The following PPA2 variants were observed in gnomAD, a reference collection of about 807,000 sequenced individuals.
The protein encoded by PPA2 is inorganic pyrophosphatase 2, mitochondrial.
A neutral mutation model predicts 49.5 loss-of-function variants in PPA2; 48 were observed. The observed-to-expected ratio is 0.97, with a 90% CI of 0.77 to 1.23. PPA2 has a LOEUF of 1.23. PPA2 is among the 50% of genes most tolerant of loss of function. PPA2 has a pLI of 0.00. For synonymous variants in PPA2, 131 were observed against 139.9 expected, an observed-to-expected ratio of 0.94 and a Z score of 0.45; for missense variants, 429 against 410.1, an observed-to-expected ratio of 1.05 and a Z score of -0.40.
chr4:105,399,135 C>A lies in PPA2; in HGVS notation c.685G>T (p.Gly229Cys). ...CAATTAAGAGTAGCTTCCAGGTAAC[C>A]CGGTTTGAACTTCTTAACATCATCA... ...DIDDVKKFKP[G>C]YLEATLNWFR... is the part of the protein sequence containing the mutation. The change falls in exon 8 of 12, where the codon GGT (glycine) becomes TGT (cysteine). Residue 229 changes from glycine (G) to cysteine (C), a missense_variant. Coordinates refer to ENST00000341695, the MANE Select transcript of PPA2 (RefSeq NM_176869.3). 6.2e-7 allele frequency: 1 copy of A among 1,605,246 alleles called. No homozygotes were observed.
At chr4:105,424,083 C>T (rs1290415580) in intron 7 of PPA2, 113 bp downstream of exon 7, 2 of 1,105,638 alleles carry the variant, frequency 1.8e-6, no homozygotes, top group East Asian at 2.6e-5. Context: ...ACATCTTTTC[C>T]TCTCTCTTTT....
intron 7 of PPA2, chr4:105,405,463 G>C: frequency 1.1e-6 from 1 of 885,342 alleles, no homozygotes; most frequent in Non-Finnish European, 1.4e-6. Context: ...CCACTGTGTT[G>C]AAGTTAAATT....
chr4:105,429,182 A>G (rs1396297082), intron 6 of PPA2, among the ~76,000 whole-genome samples: 1 of 152,214 alleles, frequency 6.6e-6, no homozygotes, highest in Non-Finnish European at 1.5e-5. Flanking sequence ...AAGCCCCAAA[A>G]TTATGGACAT....
intron 1 of PPA2, among the ~76,000 whole-genome samples, chr4:105,466,131 T>C (rs1387860214): frequency 6.6e-6 from 1 of 152,170 alleles, no homozygotes; most frequent in African/African-American, 2.4e-5. Flanking sequence ...AACAAGTTAT[T>C]TGCTAAAGAG....
At position 105,369,470 on chromosome 4, in the gene PPA2, AC is replaced by A; in HGVS notation, c.*254del. 2 of 421,794 alleles carry A rather than the reference AC, an allele frequency of 4.7e-6. No homozygotes were observed. The highest frequency in any genetic ancestry group is 7.4e-5 in the Admixed American group (2 of 27,106). 26.1% of individuals were successfully genotyped at this position (421,794 alleles called of 1,614,324 possible). A position where few individuals can be genotyped will look rare whatever the true frequency, so the allele number is the denominator to read the frequency against. Reference sequence around the variant, plus strand: ...GAACTCCTGACCTTGTGATCTGCCCACCTCGGCCTCCCAAAGTGCTGAAATT... The same window carrying A: ...GAACTCCTGACCTTGTGATCTGCCCACTCGGCCTCCCAAAGTGCTGAAATT... On this transcript the variant is annotated 3_prime_UTR_variant, in exon 12 of 12. Transcript: ENST00000341695.
At chr4:105,413,059 T>C (rs1578834659) in intron 7 of PPA2, among the ~76,000 whole-genome samples, 1 of 152,214 alleles carries the variant, frequency 6.6e-6, no homozygotes, top group African/African-American at 2.4e-5. Context: ...CTATTCATAA[T>C]AGCAAAGACT....
At chr4:105,473,182 G>C (rs2110338825) in intron 1 of PPA2, among the ~76,000 whole-genome samples, 1 of 152,284 alleles carries the variant, frequency 6.6e-6, no homozygotes, top group African/African-American at 2.4e-5. Context: ...AATGAGTCAC[G>C]AAGACCTGGG....
At chr4:105,375,880 C>T (rs536848774) in intron 10 of PPA2, among the ~76,000 whole-genome samples, 3 of 152,172 alleles carry the variant, frequency 2.0e-5, no homozygotes, top group African/African-American at 7.2e-5. Flanking sequence ...CTGGTCATTA[C>T]TTCTCCTACT....
At chr4:105,473,739 C>A in intron 1 of PPA2, 155 bp downstream of exon 1, 1 of 1,139,944 alleles carries the variant, frequency 8.8e-7, no homozygotes, top group East Asian at 2.4e-5. Flanking sequence ...TGCGCGCTCC[C>A]GCGGGAAGTA....
chr4:105,417,419 T>C (rs553282298), intron 7 of PPA2, among the ~76,000 whole-genome samples: 1 of 152,156 alleles, frequency 6.6e-6, no homozygotes, highest in Non-Finnish European at 1.5e-5. Flanking sequence ...GAAGATCCAC[T>C]CTACAATTTT....
intron 1 of PPA2, among the ~76,000 whole-genome samples, chr4:105,472,217 A>C (rs1277554940): frequency 6.6e-6 from 1 of 152,054 alleles, no homozygotes; most frequent in South Asian, 2.1e-4. Flanking sequence ...GTAACCACCC[A>C]CCCAACAGCA....
chr4:105,390,541 C>T (rs572166720), intron 9 of PPA2, among the ~76,000 whole-genome samples: 5 of 151,874 alleles, frequency 3.3e-5, no homozygotes, highest in African/African-American at 1.2e-4. Flanking sequence ...ATGCAGCCAA[C>T]AAACATGAAA....
At chr4:105,445,331 T>C (rs1465040039) in intron 5 of PPA2, among the ~76,000 whole-genome samples, 3 of 152,120 alleles carry the variant, frequency 2.0e-5, no homozygotes, top group African/African-American at 7.2e-5. Flanking sequence ...AGCATACCTA[T>C]TTAAGTACCT....
intron 1 of PPA2, among the ~76,000 whole-genome samples, chr4:105,460,856 C>T (rs1723058861): frequency 1.4e-5 from 2 of 139,200 alleles, no homozygotes; most frequent in African/African-American, 3.3e-5. Flanking sequence ...GATGTAAGAT[C>T]ACATATATAT....
At chr4:105,448,564 C>A (rs1722511852) in intron 4 of PPA2, among the ~76,000 whole-genome samples, 2 of 149,060 alleles carry the variant, frequency 1.3e-5, no homozygotes. Context: ...GGTTCATTTC[C>A]CGGAAAAATT....
chr4:105,450,601 C>CTTTTTTTTT (rs575896250), intron 3 of PPA2, among the ~76,000 whole-genome samples: 880 of 82,552 alleles, frequency 0.011, 62 homozygotes, highest in South Asian at 0.017. Context: ...GTCTGGAATT[C>CTTTTTTTTT]TTTTTTTTTT....
At chr4:105,414,019 T>C (rs181576572) in intron 7 of PPA2, among the ~76,000 whole-genome samples, 1 of 152,142 alleles carries the variant, frequency 6.6e-6, no homozygotes, top group Non-Finnish European at 1.5e-5. Flanking sequence ...TCAACCCCAA[T>C]AGAAAAGGGG....
intron 6 of PPA2, 39 bp from the exon 7 acceptor site, chr4:105,424,361 G>C: frequency 6.5e-7 from 1 of 1,539,996 alleles, no homozygotes; most frequent in Admixed American, 2.2e-5. Context: ...GCAAGGCTTT[G>C]GAGAGTTTAC....
At chr4:105,440,647 C>A (rs2110293735) in intron 5 of PPA2, among the ~76,000 whole-genome samples, 1 of 152,306 alleles carries the variant, frequency 6.6e-6, no homozygotes. Flanking sequence ...TACCAGTGAA[C>A]ATGAAGCCCA....
Sources: allele counts gnomAD v4.1 joint callset (sites outside exome capture counted in the v4.1 genomes callset), GRCh38; gene constraint gnomAD v4.1.1; transcripts MANE v1.5; gene names NCBI Gene and HGNC (gene_info 2026-07-23, HGNC 2026-07-21).